Variants in SPACA7 observed in about 807,000 individuals in gnomAD.
The protein encoded by SPACA7 is sperm acrosome-associated protein 7.
In SPACA7, 19 loss-of-function variants were observed where a neutral mutation model predicts 26.3. That is an observed-to-expected ratio of 0.72 (90% confidence interval 0.50 to 1.06). The LOEUF (loss-of-function observed/expected upper bound fraction) is 1.06. Among genes scored for constraint, SPACA7 ranks in the 50% least tolerant of loss-of-function variants. The pLI is 0.00. For missense variants in SPACA7, 211 were observed against 229.9 expected (o/e 0.92, Z 0.53); for synonymous variants, 84 against 84.5 (o/e 0.99, Z 0.04).
chr13:112,385,394 G>A (rs1022889225), intron 1 of SPACA7, among the ~76,000 whole-genome samples: 1 of 152,088 alleles, frequency 6.6e-6, no homozygotes, highest in Non-Finnish European at 1.5e-5. Flanking sequence ...ATGTTATAAT[G>A]TTAATTCTTA....
chr13:112,413,066 T>C (rs1388555521), intron 5 of SPACA7, among the ~76,000 whole-genome samples: 1 of 152,226 alleles, frequency 6.6e-6, no homozygotes, highest in Non-Finnish European at 1.5e-5. Context: ...TATTTTTTAA[T>C]AGATTTGCCT....
At chr13:112,432,938 A>G (rs1877312481) in intron 6 of SPACA7, among the ~76,000 whole-genome samples, 1 of 151,864 alleles carries the variant, frequency 6.6e-6, no homozygotes, top group Non-Finnish European at 1.5e-5. Context: ...TGGGGTGGGG[A>G]CCCCCAGTCC....
Position 112,398,751 on chromosome 13 carries a change from C to T in SPACA7, c.242-315C>T, listed in dbSNP as rs1466814671. Among the ~76,000 whole-genome samples the T allele has an allele frequency of 3.3e-5, 5 of 152,294 alleles. No individual in the cohort carries two copies. In the East Asian group the frequency reaches 9.6e-4, roughly 29 times the overall value. ...GGAGAGAACTGGGAATCAGAAATCC[C>T]CACACAGTGCATGAAAGTGTATTCG... On this transcript the variant is annotated intron_variant, in intron 3 of 6. Transcript: ENST00000283550.
intron 1 of SPACA7, among the ~76,000 whole-genome samples, chr13:112,379,073 AC>A (rs1883879189): frequency 6.6e-6 from 1 of 152,226 alleles, no homozygotes; most frequent in Admixed American, 6.5e-5. Context: ...AATCTGGAAA[AC>A]AAAACATTAA....
intron 5 of SPACA7, among the ~76,000 whole-genome samples, chr13:112,431,030 CAG>C (rs1474648213): frequency 6.6e-6 from 1 of 152,198 alleles, no homozygotes; most frequent in Non-Finnish European, 1.5e-5. Context: ...AACTGGGTCA[CAG>C]TTGTGGCCTC....
chr13:112,417,817 T>C (rs2139032452), intron 5 of SPACA7, among the ~76,000 whole-genome samples: 1 of 152,340 alleles, frequency 6.6e-6, no homozygotes, highest in South Asian at 2.1e-4. Flanking sequence ...CCATTGCTGA[T>C]CAATAAATGT....
intron 5 of SPACA7, among the ~76,000 whole-genome samples, chr13:112,419,316 G>A (rs1886877967): frequency 1.3e-5 from 2 of 152,076 alleles, no homozygotes; most frequent in Non-Finnish European, 2.9e-5. Context: ...AAATCCAGAG[G>A]CCCCAGGCAC....
At chr13:112,382,301 G>A in intron 1 of SPACA7, 1 of 771,752 alleles carries the variant, frequency 1.3e-6, no homozygotes, top group Non-Finnish European at 2.0e-6. Flanking sequence ...TGCCAGACTG[G>A]AGTGCAGAGG....
At chr13:112,396,619 A>T (rs1314540883) in intron 2 of SPACA7, among the ~76,000 whole-genome samples, 2 of 152,016 alleles carry the variant, frequency 1.3e-5, no homozygotes, top group African/African-American at 4.8e-5. Flanking sequence ...CTTCTCCAAG[A>T]CCCCTATCTC....
chr13:112,392,978 T>C (rs1566461759), intron 1 of SPACA7, 43 bp from the exon 2 acceptor site: 1 of 1,561,244 alleles, frequency 6.4e-7, no homozygotes, highest in South Asian at 1.1e-5. Flanking sequence ...ATATGCAAAT[T>C]CAATGAACAT....
chr13:112,396,369 C>G (rs1018757202), intron 2 of SPACA7, among the ~76,000 whole-genome samples: 12 of 152,142 alleles, frequency 7.9e-5, no homozygotes, highest in Admixed American at 2.0e-4. Context: ...TCAGCTGAAT[C>G]CTATCCTCTG....
intron 5 of SPACA7, among the ~76,000 whole-genome samples, chr13:112,405,056 C>T (rs1045427526): frequency 1.4e-5 from 2 of 146,846 alleles, no homozygotes; most frequent in Admixed American, 1.4e-4. Context: ...TATCTCGGCT[C>T]ACTGCAAGCT....
rs1257766825 is a variant in SPACA7, at chr13:112,376,468, C to A, written c.83C>A (p.Thr28Asn). ...CAAGAAACTGAGCTCCGGCCGAGAA[C>A]CGTGATTCCAGGTAGGGCCCCACAG... ...CWQETELRPRTVIPGSPTEIP... is the reference protein window; with the variant it reads ...CWQETELRPRNVIPGSPTEIP... Residue 28 changes from threonine to asparagine, a missense_variant, in exon 1 of 7, where the codon ACC becomes AAC. Transcript: ENST00000283550. 1.2e-6 allele frequency: 2 copies of A among 1,613,158 alleles called. No individual in the cohort carries two copies. The highest frequency in any genetic ancestry group is 3.3e-4 in the Middle Eastern group (2 of 6,060).
intron 4 of SPACA7, 21 bp downstream of exon 4, chr13:112,399,194 AC>A (rs1885477524): frequency 7.8e-7 from 1 of 1,282,576 alleles, no homozygotes; most frequent in Non-Finnish European, 1.1e-6. Flanking sequence ...CCCAGTAATT[AC>A]CCCTTCCCAA....
At position 112,434,539 on chromosome 13, in the gene SPACA7, G is replaced by C; in HGVS notation, c.578G>C (p.Gly193Ala). 1 of 1,608,186 alleles carries C rather than the reference G, an allele frequency of 6.2e-7. No individual in the cohort carries two copies. Among genetic ancestry groups the C allele is most frequent in the Non-Finnish European group, 8.5e-7 (1 of 1,177,802 alleles). Residue 193 changes from glycine (G) to alanine (A), a missense_variant, in exon 7 of 7, where the codon GGC becomes GCC. Transcript: ENST00000283550. ...ACCAGCGCACAGAGGAGGAGCCAAG[G>C]CAGTCAGTGAGGCCGCAGCCCCAGA... The part of the protein sequence containing the change: ...QRTSAQRRSQ[G>A]SQ
At position 112,419,961 on chromosome 13, in the gene SPACA7, A is replaced by G. The variant is rs368454153; in HGVS notation, c.446-12483A>G. On this transcript the variant is annotated intron_variant, in intron 5 of 6. Transcript: ENST00000283550. Reference sequence around the variant, plus strand: ...ACGAAAGTCTCTGGCCCCCTAGCTCATACTGTGAACACAAGGCAACAGCAG... The same window carrying G: ...ACGAAAGTCTCTGGCCCCCTAGCTCGTACTGTGAACACAAGGCAACAGCAG... Among the ~76,000 whole-genome samples the G allele has an allele frequency of 2.6e-5, 4 of 152,338 alleles. No individual in the cohort carries two copies. In the East Asian group the frequency reaches 5.8e-4, roughly 22 times the overall value.
Position 112,430,174 on chromosome 13 carries a change from CTGTGTGTG to C in SPACA7, c.446-2242_446-2235del, listed in dbSNP as rs61438595. Among the ~76,000 whole-genome samples the C allele has an allele frequency of 1.3e-4, 18 of 134,314 alleles. No homozygotes were observed. In the East Asian group the frequency reaches 3.4e-3, roughly 25 times the overall value. 88.1% of individuals were successfully genotyped at this position (134,314 alleles called of 152,430 possible). A position where few individuals can be genotyped will look rare whatever the true frequency, so the allele number is the denominator to read the frequency against. Reference sequence around the variant, plus strand: ...CAAGGCATCCCTTGCATCTCTCTCTCTGTGTGTGTGTGTGTGTGTGTGTGTGTGTGTGT... The same window carrying C: ...CAAGGCATCCCTTGCATCTCTCTCTCTGTGTGTGTGTGTGTGTGTGTGTGT... On this transcript the variant is annotated intron_variant, in intron 5 of 6. Coordinates refer to ENST00000283550, the MANE Select transcript of SPACA7 (RefSeq NM_145248.5).
chr13:112,429,334 C>T (rs1276868855), intron 5 of SPACA7, among the ~76,000 whole-genome samples: 2 of 151,590 alleles, frequency 1.3e-5, no homozygotes, highest in Non-Finnish European at 2.9e-5. Flanking sequence ...CAAGATGGTG[C>T]CACTGCACTC....
intron 5 of SPACA7, among the ~76,000 whole-genome samples, chr13:112,411,699 C>T (rs1174759211): frequency 6.6e-6 from 1 of 152,124 alleles, no homozygotes; most frequent in Non-Finnish European, 1.5e-5. Flanking sequence ...TGATATTAGG[C>T]TCTCTGTGCC....
Sources: allele counts gnomAD v4.1 joint callset (sites outside exome capture counted in the v4.1 genomes callset), GRCh38; gene constraint gnomAD v4.1.1; transcripts MANE v1.5; gene names NCBI Gene and HGNC (gene_info 2026-07-23, HGNC 2026-07-21).